The following PIR variants were observed in gnomAD, a reference collection of about 807,000 sequenced individuals.
The protein encoded by PIR is pirin (iron-binding nuclear protein).
PIR carries 22 observed loss-of-function variants against 24.2 expected under a neutral mutation model. The ratio of observed to expected loss-of-function variants is 0.91; its 90% CI spans 0.65 to 1.30. The LOEUF (loss-of-function observed/expected upper bound fraction) is 1.30, where lower values mean the gene tolerates loss of function less well. Among genes scored for constraint, PIR ranks in the 50% most tolerant of loss-of-function variants. The pLI is 0.00. For synonymous variants in PIR, 80 were observed against 79.6 expected (o/e 1.00, Z -0.03); for missense variants, 220 against 220.3 (o/e 1.00, Z 0.01).
intron 3 of PIR, among the ~76,000 whole-genome samples, chrX:15,476,466 T>C (rs914019911): frequency 4.5e-5 from 5 of 111,807 alleles, no homozygotes; most frequent in African/African-American, 1.6e-4. Context: ...TATCTTTGCA[T>C]AACTAATTGT....
intron 9 of PIR, among the ~76,000 whole-genome samples, chrX:15,386,199 AACT>A (rs1923744311): frequency 8.9e-6 from 1 of 112,380 alleles, no homozygotes; most frequent in African/African-American, 3.2e-5. Context: ...ATTAATATAC[AACT>A]GTATTGCTTA....
Position 15,462,888 on chromosome X carries a change from T to A in PIR, c.190-3148A>T, listed in dbSNP as rs145106649. Among the ~76,000 whole-genome samples, 604 of 112,116 alleles carry A rather than the reference T, an allele frequency of 5.4e-3. 5 individuals are homozygous for A. Among genetic ancestry groups the A allele is most frequent in the African/African-American group, 0.018 (569 of 30,899 alleles). On this transcript the variant is annotated intron_variant, in intron 3 of 9. Coordinates refer to ENST00000380420, the MANE Select transcript of PIR (RefSeq NM_001018109.3). ...CACTGAAGTCCTATAATGTCCTAGGTACTGTGTTGGGAGATAAAAAAGTGG... is the reference window on the plus strand; with the variant it reads ...CACTGAAGTCCTATAATGTCCTAGGAACTGTGTTGGGAGATAAAAAAGTGG...
rs1555953079 is a variant in PIR at position 15,400,749 on chromosome X, A to ATT, written c.611-3219_611-3218insAA. On this transcript the variant is annotated intron_variant, in intron 7 of 9. Transcript: ENST00000380420. The stretch of plus-strand genomic sequence containing the variant: ...GGTAAATATTTATTTATTTATTTAT[A>ATT]TATTTATTTATTTTTGAGATGGAGT... Among the ~76,000 whole-genome samples, 147 of 104,138 alleles carry ATT rather than the reference A, an allele frequency of 1.4e-3. 1 individual carries two copies. The highest frequency in any genetic ancestry group is 4.9e-3 in the Middle Eastern group (1 of 206). 90.4% of individuals were successfully genotyped at this position (104,138 alleles called of 115,157 possible).
At chrX:15,415,630 G>C (rs1924888875) in intron 6 of PIR, among the ~76,000 whole-genome samples, 1 of 111,706 alleles carries the variant, frequency 9.0e-6, no homozygotes, top group Admixed American at 9.5e-5. Flanking sequence ...GGAATATAAA[G>C]TGTTCTTATC....
At position 15,384,908 on chromosome X, in the gene PIR, G is replaced by A. The variant is rs6632532; in HGVS notation, c.*96C>T. The A allele has an allele frequency of 4.0e-5, 18 of 450,795 alleles. No homozygotes were observed. Among genetic ancestry groups the A allele is most frequent in the Admixed American group, 1.0e-4 (3 of 28,714 alleles). The allele number at this position is 450,795 out of a possible 1,213,427, so 37.2% of individuals were successfully genotyped here. ...TAGTGTGGAATTCTTTAGAAGCACC[G>A]GCTAAATAAGCTTTAGAAATGGAAT... On this transcript the variant is annotated 3_prime_UTR_variant, in exon 10 of 10. Coordinates refer to ENST00000380420, the MANE Select transcript of PIR (RefSeq NM_001018109.3).
chrX:15,490,800 C>T (rs1216411943), intron 2 of PIR, among the ~76,000 whole-genome samples: 2 of 111,881 alleles, frequency 1.8e-5, no homozygotes, highest in Non-Finnish European at 3.8e-5. Context: ...ATCAGAGTTA[C>T]TCCCTGGTGC....
chrX:15,396,249 T>C (rs756145348), intron 8 of PIR, among the ~76,000 whole-genome samples: 16 of 111,767 alleles, frequency 1.4e-4, no homozygotes, highest in African/African-American at 5.2e-4. Flanking sequence ...CCCTGACATA[T>C]GCATTTTTCT....
chrX:15,445,887 T>C (rs1470298037), intron 5 of PIR, among the ~76,000 whole-genome samples: 1 of 89,463 alleles, frequency 1.1e-5, no homozygotes, highest in Non-Finnish European at 2.1e-5. Context: ...TGAAGTGCTG[T>C]GGCGCGATCT....
chrX:15,422,694 T>A (rs1925175803), intron 6 of PIR, among the ~76,000 whole-genome samples: 1 of 111,086 alleles, frequency 9.0e-6, no homozygotes, highest in African/African-American at 3.3e-5. Context: ...ACAAAAAAAA[T>A]TGAAAGCTAT....
At chrX:15,402,653 A>C (rs1355573488) in intron 7 of PIR, among the ~76,000 whole-genome samples, 5 of 107,372 alleles carry the variant, frequency 4.7e-5, no homozygotes, top group African/African-American at 1.7e-4. Context: ...AACCATCCCC[A>C]CCTCCCCCTG....
At chrX:15,399,515 G>C (rs1413789083) in intron 7 of PIR, among the ~76,000 whole-genome samples, 1 of 111,588 alleles carries the variant, frequency 9.0e-6, no homozygotes, top group Non-Finnish European at 1.9e-5. Context: ...TCAGGGCATG[G>C]GTGGACTTTG....
At position 15,420,838 on chromosome X, in the gene PIR, T is replaced by TAAACA. The variant is rs552568653; in HGVS notation, c.565+5063_565+5067dup. Among the ~76,000 whole-genome samples, 38 of 111,001 alleles carry TAAACA rather than the reference T, an allele frequency of 3.4e-4. No individual in the cohort carries two copies. The South Asian group carries it at 0.013, about 39-fold the overall frequency. On this transcript the variant is annotated intron_variant, in intron 6 of 9. Transcript: ENST00000380420. The stretch of plus-strand genomic sequence containing the variant: ...GGTGACACAGAGAAACCCTGTCTCT[T>TAAACA]AAACAAAACAAAACAAAAGGAGCTA...
chrX:15,404,910 T>C (rs751122651), intron 7 of PIR, among the ~76,000 whole-genome samples: 5 of 111,627 alleles, frequency 4.5e-5, no homozygotes, highest in Admixed American at 9.5e-5. Context: ...TCTAGACAGA[T>C]GCAACTTTGC....
intron 6 of PIR, among the ~76,000 whole-genome samples, chrX:15,408,190 C>T (rs1204670682): frequency 9.0e-6 from 1 of 111,373 alleles, no homozygotes; most frequent in Non-Finnish European, 1.9e-5. Context: ...CTCCTGACCT[C>T]AGGTGATCCG....
chrX:15,453,517 G>A (rs4830536), intron 5 of PIR, among the ~76,000 whole-genome samples: 32,149 of 110,754 alleles, frequency 0.29, 3,424 homozygotes, highest in East Asian at 0.46. Context: ...ACTGCACCAC[G>A]CTGCCTCTTG....
At position 15,425,946 on chromosome X, in the gene PIR, T is replaced by C. The variant is rs1395440803; in HGVS notation, c.525A>G (p.Lys175=). The C allele has an allele frequency of 1.7e-6, 2 of 1,199,208 alleles. No homozygotes were observed. The highest frequency in any genetic ancestry group is 2.3e-6 in the Non-Finnish European group (2 of 884,166). ...GGGAATGTTTGGCTCCTGGGTCCAA[T>C]TTGAAGTCCAAATATAAGGTTGGTG... ...TRTPTLYLDF[K]LDPGAKHSQP... The change falls in exon 6 of 10, where the codon AAA becomes AAG. Residue 175 remains lysine, a synonymous_variant. Transcript: ENST00000380420.
chrX:15,389,679 A>G (rs1193378929), intron 9 of PIR, among the ~76,000 whole-genome samples: 1 of 111,786 alleles, frequency 8.9e-6, no homozygotes, highest in Non-Finnish European at 1.9e-5. Context: ...CTCTAAGTAT[A>G]GTACTATTTC....
intron 4 of PIR, among the ~76,000 whole-genome samples, chrX:15,456,859 A>C (rs1379201339): frequency 8.9e-6 from 1 of 112,514 alleles, no homozygotes; most frequent in Non-Finnish European, 1.9e-5. Flanking sequence ...GTGTTTGTTC[A>C]TGTCTGTATT....
intron 2 of PIR, among the ~76,000 whole-genome samples, chrX:15,480,284 A>G (rs1216091462): frequency 1.8e-5 from 2 of 110,692 alleles, no homozygotes; most frequent in Admixed American, 9.7e-5. Context: ...GTCCAGTTAA[A>G]CCTCTTTCTT....
Sources: allele counts gnomAD v4.1 joint callset (sites outside exome capture counted in the v4.1 genomes callset), GRCh38; gene constraint gnomAD v4.1.1; transcripts MANE v1.5; gene names NCBI Gene and HGNC (gene_info 2026-07-23, HGNC 2026-07-21).